The following DISP3 variants were observed in gnomAD, a reference collection of about 807,000 sequenced individuals.
DISP3 encodes protein dispatched homolog 3.
In DISP3, 101 loss-of-function variants were observed where a neutral mutation model predicts 135.3. The ratio of observed to expected loss-of-function variants is 0.75; its 90% CI spans 0.64 to 0.88. DISP3 has a LOEUF of 0.88. Among genes scored for constraint, DISP3 ranks in the 40% least tolerant of loss-of-function variants. The probability of loss-of-function intolerance (pLI) is 0.00; values close to 1 mark genes in which losing one functional copy is unlikely to be tolerated. For synonymous variants in DISP3, 856 were observed against 817.0 expected (o/e 1.05, Z -0.81); for missense variants, 1,713 against 1,878.6 (o/e 0.91, Z 1.63).
Position 11,516,121 on chromosome 1 carries a change from T to G in DISP3, c.1709T>G (p.Leu570Arg), listed in dbSNP as rs1249264603. 6.8e-6 allele frequency: 11 copies of G among 1,614,146 alleles called. No homozygotes were observed. The highest frequency in any genetic ancestry group is 9.3e-6 in the Non-Finnish European group (11 of 1,180,000). Residue 570 changes from leucine (L) to arginine (R), a missense_variant, in exon 6 of 21, where the codon CTG (leucine) becomes CGG (arginine). This residue lies in a region of DISP3 where 1,142 missense variants were observed against 1,384.6 expected (regional missense o/e 0.82). Coordinates refer to ENST00000294484, the MANE Select transcript of DISP3 (RefSeq NM_020780.2). The surrounding 1 kb of genome is among the most constrained non-coding windows in gnomAD (Gnocchi z 5.1). Reference sequence around the variant, plus strand: ...GGCAAGGCCACCTTCTTCACCTCCCTGACCACAGCCGCCGCCTACGCAGCT... The same window carrying G: ...GGCAAGGCCACCTTCTTCACCTCCCGGACCACAGCCGCCGCCTACGCAGCT... ...TAGKATFFTS[L>R]TTAAAYAANV...
chr1:11,533,262 T>TC (rs1460904275), intron 17 of DISP3, among the ~76,000 whole-genome samples: 1 of 146,932 alleles, frequency 6.8e-6, no homozygotes, highest in African/African-American at 2.5e-5. Context: ...TCTTTTTTTT[T>TC]TTTTTTTTTT....
Position 11,519,517 on chromosome 1 carries a change from C to T in DISP3, c.2038+14C>T. 6.2e-7 allele frequency: 1 copy of T among 1,612,996 alleles called. No homozygotes were observed. The highest frequency in any genetic ancestry group is 8.5e-7 in the Non-Finnish European group (1 of 1,179,884). On this transcript the variant is annotated intron_variant, in intron 8 of 20. Coordinates refer to ENST00000294484, the MANE Select transcript of DISP3 (RefSeq NM_020780.2). This position sits in a 1 kb window ranked among gnomAD's most constrained non-coding sequence, Gnocchi z 4.3. ...AGGAAGAGCCAGGTGAGAGCTGGCA[C>T]AGGCCTGCCCTACTGACCCCAGTGA...
At chr1:11,534,299 G>A (rs1441769275) in intron 17 of DISP3, 82 bp from the exon 18 acceptor site, 16 of 1,537,982 alleles carry the variant, frequency 1.0e-5, no homozygotes, top group Middle Eastern at 1.7e-4. Flanking sequence ...ATTGGTGGCC[G>A]CAGAACAGAC....
intron 10 of DISP3, among the ~76,000 whole-genome samples, chr1:11,522,782 GGCCCAGCCAGA>G (rs1557615437): frequency 3.8e-3 from 74 of 19,694 alleles, no homozygotes; most frequent in Non-Finnish European, 4.8e-3. Flanking sequence ...ACCCAGCCAG[GGCCCAGCCAGA>G]GCCCAGCCAG....
At chr1:11,511,012 G>A (rs901848391) in intron 3 of DISP3, among the ~76,000 whole-genome samples, 2 of 152,154 alleles carry the variant, frequency 1.3e-5, no homozygotes, top group Admixed American at 1.3e-4. Context: ...TATCTCATGA[G>A]ACTTATTCAC....
rs144209694 is a variant in DISP3, at chr1:11,489,149, T to C, written c.-4+9777T>C. On this transcript the variant is annotated intron_variant, in intron 1 of 20. Coordinates refer to ENST00000294484, the MANE Select transcript of DISP3 (RefSeq NM_020780.2). Reference sequence around the variant, plus strand: ...GAAAGAGATTTGCCCTAAGGTTCTCTGTTCCTTCCCAGGCAGTGAGGCTGC... The same window carrying C: ...GAAAGAGATTTGCCCTAAGGTTCTCCGTTCCTTCCCAGGCAGTGAGGCTGC... Among the ~76,000 whole-genome samples the C allele has an allele frequency of 3.8e-4, 58 of 152,382 alleles. 1 individual carries two copies. Among genetic ancestry groups the C allele is most frequent in the African/African-American group, 1.3e-3 (55 of 41,596 alleles).
rs754422249 is a variant in DISP3, at chr1:11,523,978, A to G, written c.2399A>G (p.Asn800Ser). 1 of 1,613,044 alleles carries G rather than the reference A, an allele frequency of 6.2e-7. No homozygotes were observed. Reference protein sequence around the residue: ...FQEKPHSLQNNIRTSLEKKRR... With the variant: ...FQEKPHSLQNSIRTSLEKKRR... The stretch of plus-strand genomic sequence containing the variant: ...GAGAAGCCCCACAGCCTGCAGAACA[A>G]CATCCGGACGTCCCTGGAGAAGAAG... The change falls in exon 11 of 21, where the codon AAC becomes AGC. Residue 800 changes from asparagine to serine, a missense_variant. Coordinates refer to ENST00000294484, the MANE Select transcript of DISP3 (RefSeq NM_020780.2).
chr1:11,532,121 G>A (rs534149131), intron 17 of DISP3, among the ~76,000 whole-genome samples: 10 of 152,264 alleles, frequency 6.6e-5, no homozygotes, highest in African/African-American at 1.4e-4. Context: ...GCCATCCCCC[G>A]TACCTCCCTG....
At position 11,530,085 on chromosome 1, in the gene DISP3, C is replaced by T. The variant is rs1642537365; in HGVS notation, c.3102+126C>T. On this transcript the variant is annotated intron_variant, in intron 15 of 20. Transcript: ENST00000294484. ...CTTGGCTCCTCAATGGCTCCTCTAA[C>T]CCAGACAGAACCCCTATGGGCCCCT... 2.3e-6 allele frequency: 3 copies of T among 1,322,946 alleles called. No homozygotes were observed. The East Asian group carries it at 7.3e-5, about 32-fold the overall frequency. 82.0% of individuals were successfully genotyped at this position (1,322,946 alleles called of 1,614,324 possible). A position where few individuals can be genotyped will look rare whatever the true frequency, so the allele number is the denominator to read the frequency against.
intron 10 of DISP3, among the ~76,000 whole-genome samples, chr1:11,521,831 CT>C (rs924210556): frequency 1.9e-4 from 29 of 152,052 alleles, no homozygotes; most frequent in African/African-American, 7.0e-4. Context: ...GGCAGATGGG[CT>C]GAAGTGAGGG....
intron 3 of DISP3, among the ~76,000 whole-genome samples, chr1:11,510,478 T>C (rs1389871149): frequency 6.6e-6 from 1 of 152,192 alleles, no homozygotes; most frequent in Non-Finnish European, 1.5e-5. Context: ...TATGTTATTG[T>C]GGTTATGCAT....
rs758852042 is a variant in DISP3, at chr1:11,514,536, C to A, written c.1453+10C>A. 3 of 1,610,916 alleles carry A rather than the reference C, an allele frequency of 1.9e-6. No homozygotes were observed. Among genetic ancestry groups the A allele is most frequent in the Non-Finnish European group, 2.5e-6 (3 of 1,177,664 alleles). On this transcript the variant is annotated intron_variant, in intron 4 of 20. Coordinates refer to ENST00000294484, the MANE Select transcript of DISP3 (RefSeq NM_020780.2). ...CTCACCTCCTGCTCAGGTAGGGCTT[C>A]TCTCAAGCCAGCCCCCTCCTCCCCT...
intron 11 of DISP3, 51 bp downstream of exon 11, chr1:11,524,106 A>C (rs772335694): frequency 3.0e-6 from 4 of 1,342,588 alleles, no homozygotes; most frequent in Non-Finnish European, 4.2e-6. Flanking sequence ...GCTAGGGTTG[A>C]AGGCCCTGTA....
chr1:11,500,950 A>C (rs752171660), intron 1 of DISP3, 40 bp from the exon 2 acceptor site: 1 of 1,605,410 alleles, frequency 6.2e-7, no homozygotes, highest in Non-Finnish European at 8.5e-7. Context: ...CCTTCCCCTC[A>C]CTGTCTCTCT....
chr1:11,503,893 G>T (rs1641626190), intron 3 of DISP3, among the ~76,000 whole-genome samples: 1 of 152,176 alleles, frequency 6.6e-6, no homozygotes, highest in Non-Finnish European at 1.5e-5. Context: ...TAAGAGATGA[G>T]CTAACAGATG....
At chr1:11,532,155 G>T (rs146087592) in intron 17 of DISP3, among the ~76,000 whole-genome samples, 1 of 152,158 alleles carries the variant, frequency 6.6e-6, no homozygotes. Flanking sequence ...CTGGACGCTC[G>T]CTGGGCTCTG....
chr1:11,479,493 A>G (rs1207648212), intron 1 of DISP3, 121 bp downstream of exon 1: 1 of 152,302 alleles, frequency 6.6e-6, no homozygotes, highest in Non-Finnish European at 1.5e-5. Flanking sequence ...GCCGCGCGCG[A>G]AGTTCTCTCG....
rs1369568363 is a variant in DISP3, at chr1:11,519,948, G to A, written c.2200+68G>A. The A allele has an allele frequency of 1.3e-6, 2 of 1,487,344 alleles. No homozygotes were observed. The allele number at this position is 1,487,344 out of a possible 1,614,324, so 92.1% of individuals were successfully genotyped here. On this transcript the variant is annotated intron_variant, in intron 9 of 20. Transcript: ENST00000294484. The surrounding 1 kb of genome is among the most constrained non-coding windows in gnomAD (Gnocchi z 4.3). ...CCCCCAAAACACACAGGAACTGGGA[G>A]CCCACCCCCTCTCGCAGATGCCCCA...
chr1:11,536,851 C>T lies in DISP3; in HGVS notation c.*165C>T, dbSNP rs1413614651. ...ACACAGATGGTGTGGACCATGCTGC[C>T]TTGTGGAGCTGGGAGTTGGAGACAG... On this transcript the variant is annotated 3_prime_UTR_variant, in exon 21 of 21. Transcript: ENST00000294484. The surrounding 1 kb of genome is among the most constrained non-coding windows in gnomAD (Gnocchi z 4.3). 1 of 994,628 alleles carries T rather than the reference C, an allele frequency of 1.0e-6. No individual in the cohort carries two copies. The highest frequency in any genetic ancestry group is 1.4e-6 in the Non-Finnish European group (1 of 706,272). 61.6% of individuals were successfully genotyped at this position (994,628 alleles called of 1,614,324 possible).
Sources: gnomAD v4.1 joint callset for allele counts (sites outside exome capture counted in the v4.1 genomes callset) on GRCh38, gnomAD v4.1.1 for gene constraint, gnomAD v4.1.1 regional missense constraint, Gnocchi (gnomAD v3.1) non-coding constraint, MANE v1.5 for transcripts, NCBI Gene and HGNC (gene_info 2026-07-23, HGNC 2026-07-21) for gene names.